Variants in BRCC3 observed in about 807,000 individuals in gnomAD.
The protein encoded by BRCC3 is BRCA1/BRCA2-containing complex subunit 3.
Under a neutral mutation model 28.0 loss-of-function variants are expected in BRCC3, and 15 were observed. The observed-to-expected ratio is 0.54, with a 90% confidence interval of 0.36 to 0.82. BRCC3 has a LOEUF of 0.82. BRCC3 is among the 40% of genes least tolerant of loss of function. BRCC3 has a pLI of 0.01. For synonymous variants in BRCC3, 66 were observed against 80.3 expected (o/e 0.82, Z 0.95); for missense variants, 109 against 225.9 (o/e 0.48, Z 3.32).
intron 7 of BRCC3, among the ~76,000 whole-genome samples, chrX:155,104,946 C>T (rs1557297288): frequency 8.9e-6 from 1 of 112,543 alleles, no homozygotes; most frequent in Non-Finnish European, 1.9e-5. Context: ...TATTTTCCCC[C>T]TGACCACTTC....
In BRCC3 at chrX:155,106,618, G is replaced by A. The variant is rs1180759078; in HGVS notation, c.549-9439G>A. ...ATTCTGTATTCAGGAAAAATCATAA[G>A]TGCTATCAGAAATATTCTTTTTTTG... is the stretch of plus-strand genomic sequence containing the variant. On this transcript the variant is annotated intron_variant, in intron 7 of 10. Coordinates refer to ENST00000330045, the MANE Select transcript of BRCC3 (RefSeq NM_001018055.3). 3.6e-5 allele frequency among the ~76,000 whole-genome samples: 4 copies of A among 112,534 alleles called. 1 individual carries two copies. The Middle Eastern group carries it at 0.014, about 391-fold the overall frequency.
chrX:155,105,959 G>GC (rs1456641703), intron 7 of BRCC3, among the ~76,000 whole-genome samples: 3 of 112,279 alleles, frequency 2.7e-5, no homozygotes, highest in Non-Finnish European at 5.6e-5. Context: ...ACAGGTGTGA[G>GC]CCCAGGCTTG....
At chrX:155,084,537 G>A (rs1334622385) in intron 5 of BRCC3, among the ~76,000 whole-genome samples, 2 of 111,410 alleles carry the variant, frequency 1.8e-5, no homozygotes, top group Non-Finnish European at 3.8e-5. Context: ...TAATTTTTTT[G>A]CATTTTTAGT....
At chrX:155,088,619 C>G (rs1458937187) in intron 5 of BRCC3, among the ~76,000 whole-genome samples, 1 of 111,582 alleles carries the variant, frequency 9.0e-6, no homozygotes, top group Non-Finnish European at 1.9e-5. Flanking sequence ...TCCCAAAGTG[C>G]TAGGATTACA....
chrX:155,074,588 T>C (rs1378142810), intron 3 of BRCC3, among the ~76,000 whole-genome samples: 1 of 112,057 alleles, frequency 8.9e-6, no homozygotes, highest in East Asian at 2.8e-4. Flanking sequence ...CACTGAAATC[T>C]CTGACTAAAG....
At chrX:155,081,695 G>A (rs12389739) in intron 5 of BRCC3, among the ~76,000 whole-genome samples, 53 of 112,008 alleles carry the variant, frequency 4.7e-4, no homozygotes, top group African/African-American at 1.7e-3. Context: ...AGTTGGTGAG[G>A]GAGAGTGACG....
At chrX:155,088,314 G>A (rs1264763236) in intron 5 of BRCC3, among the ~76,000 whole-genome samples, 1 of 110,005 alleles carries the variant, frequency 9.1e-6, no homozygotes, top group East Asian at 2.8e-4. Context: ...TATAAACAAT[G>A]GTCTGAAGAC....
At chrX:155,107,068 GA>G (rs1267321306) in intron 7 of BRCC3, among the ~76,000 whole-genome samples, 3 of 110,769 alleles carry the variant, frequency 2.7e-5, no homozygotes, top group Admixed American at 9.5e-5. Flanking sequence ...ATTTTTCCTT[GA>G]AACACTGATT....
intron 7 of BRCC3, among the ~76,000 whole-genome samples, chrX:155,094,211 G>T (rs2124273831): frequency 9.0e-6 from 1 of 110,930 alleles, no homozygotes; most frequent in South Asian, 3.8e-4. Context: ...TTTTGTTCAG[G>T]TATCACTCTG....
At chrX:155,077,018 A>G (rs2074049871) in intron 3 of BRCC3, among the ~76,000 whole-genome samples, 152 bp from the exon 4 acceptor site, 1 of 112,017 alleles carries the variant, frequency 8.9e-6, no homozygotes. Flanking sequence ...GGTGTCTTTT[A>G]TTTGAAACAT....
chrX:155,115,262 AG>A (rs1557298575), intron 7 of BRCC3, among the ~76,000 whole-genome samples: 1 of 111,779 alleles, frequency 8.9e-6, no homozygotes, highest in African/African-American at 3.3e-5. Context: ...TGGGGAGGGG[AG>A]GGCTTGTAAT....
intron 7 of BRCC3, among the ~76,000 whole-genome samples, chrX:155,103,520 A>AT (rs2074259278): frequency 8.9e-6 from 1 of 112,139 alleles, no homozygotes; most frequent in Non-Finnish European, 1.9e-5. Flanking sequence ...AGTGGCTGAC[A>AT]TTTTTACCTT....
In BRCC3 at chrX:155,075,319, CTAAATGTGGCCACT is replaced by C. The variant is rs1569560433; in HGVS notation, c.196-1850_196-1837del. 7.6e-5 allele frequency among the ~76,000 whole-genome samples: 4 copies of C among 52,389 alleles called. No individual in the cohort carries two copies. The African/African-American group carries it at 2.0e-3, about 27-fold the overall frequency. 45.5% of individuals were successfully genotyped at this position (52,389 alleles called of 115,157 possible). ...CTGGCCCTTCTTGTTCTTCCCCACACTAAATGTGGCCACTCCCCTTGATTCAGGCCAAGACCTCT... is the reference window on the plus strand; with the variant it reads ...CTGGCCCTTCTTGTTCTTCCCCACACCCCCTTGATTCAGGCCAAGACCTCT... On this transcript the variant is annotated intron_variant, in intron 3 of 10. Coordinates refer to ENST00000330045, the MANE Select transcript of BRCC3 (RefSeq NM_001018055.3).
intron 7 of BRCC3, among the ~76,000 whole-genome samples, chrX:155,105,391 G>T (rs1356221993): frequency 7.2e-5 from 8 of 111,801 alleles, no homozygotes; most frequent in Non-Finnish European, 1.9e-5. Context: ...GCTGAGGCAG[G>T]AGAATTGCTT....
chrX:155,094,484 G>T (rs899413937), intron 7 of BRCC3, among the ~76,000 whole-genome samples: 33 of 110,628 alleles, frequency 3.0e-4, no homozygotes, highest in Middle Eastern at 4.3e-3. Flanking sequence ...CTCATTGCTG[G>T]TAGGAGGAAC....
intron 7 of BRCC3, among the ~76,000 whole-genome samples, chrX:155,101,464 C>G (rs781942917): frequency 8.9e-6 from 1 of 111,916 alleles, no homozygotes; most frequent in Non-Finnish European, 1.9e-5. Flanking sequence ...TGGCAATGTT[C>G]TAATTCCATC....
Position 155,089,193 on chromosome X carries a change from A to G in BRCC3, c.404-70A>G, listed in dbSNP as rs1248871653. The G allele has an allele frequency of 3.0e-5, 22 of 725,262 alleles. No homozygotes were observed. The Middle Eastern group carries it at 1.4e-3, about 46-fold the overall frequency. The allele number at this position is 725,262 out of a possible 1,213,427, so 59.8% of individuals were successfully genotyped here. On this transcript the variant is annotated intron_variant, in intron 5 of 10. Transcript: ENST00000330045. ...CTGTTATCTTTAAATCTTTAAGTCAATCTTTAAATCAATAAGCTGTGAGAC... is the reference window on the plus strand; with the variant it reads ...CTGTTATCTTTAAATCTTTAAGTCAGTCTTTAAATCAATAAGCTGTGAGAC...
In BRCC3 at chrX:155,121,392, G is replaced by A. The variant is rs1557299408; in HGVS notation, c.*188G>A. ...ACATACGTCAATGGAACAGATGAGA[G>A]AACCCAGAAATAAACCCATATAAAT... On this transcript the variant is annotated 3_prime_UTR_variant, in exon 11 of 11. Coordinates refer to ENST00000330045, the MANE Select transcript of BRCC3 (RefSeq NM_001018055.3). The A allele has an allele frequency of 8.9e-6, 1 of 111,892 alleles. No individual in the cohort carries two copies. Among genetic ancestry groups the A allele is most frequent in the Non-Finnish European group, 1.9e-5 (1 of 53,199 alleles). The allele number at this position is 111,892 out of a possible 1,213,427, so 9.2% of individuals were successfully genotyped here. A position where few individuals can be genotyped will look rare whatever the true frequency, so the allele number is the denominator to read the frequency against.
chrX:155,096,308 G>A (rs1040653740), intron 7 of BRCC3, among the ~76,000 whole-genome samples: 12 of 112,091 alleles, frequency 1.1e-4, no homozygotes, highest in Admixed American at 7.5e-4. Context: ...TTATTTTGGC[G>A]TGATGAAAAT....
Sources: allele counts gnomAD v4.1 joint callset (sites outside exome capture counted in the v4.1 genomes callset), GRCh38; gene constraint gnomAD v4.1.1; transcripts MANE v1.5; gene names NCBI Gene and HGNC (gene_info 2026-07-23, HGNC 2026-07-21).